KCNJ6: variants seen among roughly 807,000 people sequenced by gnomAD.
The protein encoded by KCNJ6 is potassium inwardly rectifying channel subfamily J member 6.
In KCNJ6, 9 loss-of-function variants were observed where a neutral mutation model predicts 34.2. The observed-to-expected ratio is 0.26, with a 90% CI of 0.16 to 0.46. The LOEUF (loss-of-function observed/expected upper bound fraction) is 0.46, where lower values mean the gene tolerates loss of function less well. KCNJ6 is among the 20% of genes least tolerant of loss of function. The pLI is 1.00. For synonymous variants in KCNJ6, 196 were observed against 207.1 expected, an observed-to-expected ratio of 0.95 and a Z score of 0.46; for missense variants, 236 against 531.3, an observed-to-expected ratio of 0.44 and a Z score of 5.46.
intron 3 of KCNJ6, among the ~76,000 whole-genome samples, chr21:37,693,442 G>C (rs1048461133): frequency 7.2e-5 from 11 of 152,180 alleles, no homozygotes; most frequent in African/African-American, 2.7e-4. Flanking sequence ...TCCTGGAGGA[G>C]AACCAGGAAA....
chr21:37,837,684 T>C (rs2055458570), intron 2 of KCNJ6, among the ~76,000 whole-genome samples: 1 of 151,468 alleles, frequency 6.6e-6, no homozygotes, highest in African/African-American at 2.4e-5. Flanking sequence ...ATTCATAGCA[T>C]TGTGTTTTGG....
chr21:37,893,481 C>T (rs1305385436), intron 1 of KCNJ6, among the ~76,000 whole-genome samples: 1 of 152,200 alleles, frequency 6.6e-6, no homozygotes, highest in Non-Finnish European at 1.5e-5. Context: ...GCTGGGATTA[C>T]AGGTGTGAGC....
In KCNJ6 at chr21:37,673,978, C is replaced by A. The variant is rs1490477803; in HGVS notation, c.946+40233G>T. On this transcript the variant is annotated intron_variant, in intron 3 of 3. Transcript: ENST00000609713. ...TTTGCTTCCATGCTGTGACTTTGAG[C>A]CCTGTGATTTCCCTTAGTGATGACA... Among the ~76,000 whole-genome samples, 5 of 152,176 alleles carry A rather than the reference C, an allele frequency of 3.3e-5. No homozygotes were observed. The South Asian group carries it at 1.0e-3, about 32-fold the overall frequency.
intron 2 of KCNJ6, among the ~76,000 whole-genome samples, chr21:37,761,430 G>T (rs1482783469): frequency 6.6e-6 from 1 of 150,530 alleles, no homozygotes; most frequent in Non-Finnish European, 1.5e-5. Flanking sequence ...TGTGTGTTGT[G>T]TTGTGTGTGT....
intron 3 of KCNJ6, among the ~76,000 whole-genome samples, chr21:37,712,605 CCCTCCTCCTCTCTCCCTCCTCT>C (rs1196973202): frequency 9.7e-6 from 1 of 103,292 alleles, no homozygotes; most frequent in Admixed American, 9.6e-5. Context: ...CTCCCTCCTC[CCCTCCTCCTCTCTCCCTCCTCT>C]TCCCTCCCTC....
chr21:37,803,455 A>G (rs1235044819), intron 2 of KCNJ6, among the ~76,000 whole-genome samples: 1 of 152,246 alleles, frequency 6.6e-6, no homozygotes, highest in Admixed American at 6.5e-5. Flanking sequence ...TTCATGGTAT[A>G]TAGTGAGTCG....
chr21:37,865,896 T>C (rs2055620160), intron 1 of KCNJ6, among the ~76,000 whole-genome samples: 1 of 152,216 alleles, frequency 6.6e-6, no homozygotes, highest in Admixed American at 6.5e-5. Flanking sequence ...AGAACACACA[T>C]TTATGTGCTC....
At chr21:37,869,764 C>T (rs992168800) in intron 1 of KCNJ6, among the ~76,000 whole-genome samples, 9 of 152,234 alleles carry the variant, frequency 5.9e-5, no homozygotes, top group Admixed American at 1.3e-4. Flanking sequence ...CCTATTTAGG[C>T]TCCTTTAAGA....
chr21:37,845,072 C>T (rs1265264640), intron 1 of KCNJ6, among the ~76,000 whole-genome samples: 1 of 152,148 alleles, frequency 6.6e-6, no homozygotes, highest in Admixed American at 6.5e-5. Context: ...TCTGCCCCGT[C>T]CCCCATCCCT....
At chr21:37,784,745 G>A (rs2055185250) in intron 2 of KCNJ6, among the ~76,000 whole-genome samples, 1 of 152,044 alleles carries the variant, frequency 6.6e-6, no homozygotes. Flanking sequence ...CTGGCTCCTG[G>A]GATGTGTGAA....
chr21:37,667,161 A>C, intron 3 of KCNJ6, among the ~76,000 whole-genome samples: 1 of 109,176 alleles, frequency 9.2e-6, no homozygotes, highest in African/African-American at 2.9e-5. Flanking sequence ...TACTAAAAAA[A>C]AAAAAAAAAA....
chr21:37,682,884 A>G (rs375257980), intron 3 of KCNJ6, among the ~76,000 whole-genome samples: 3 of 152,144 alleles, frequency 2.0e-5, no homozygotes, highest in African/African-American at 7.2e-5. Flanking sequence ...AAGTTCTGCA[A>G]ATCCAGTGGC....
intron 2 of KCNJ6, among the ~76,000 whole-genome samples, chr21:37,795,851 G>A (rs1405719373): frequency 3.9e-5 from 6 of 152,092 alleles, no homozygotes; most frequent in Non-Finnish European, 8.8e-5. Flanking sequence ...ATGTTTTTGA[G>A]GTGGTATTAT....
rs570969822 is a variant in KCNJ6 at position 37,820,565 on chromosome 21, T to G, written c.25+20093A>C. On this transcript the variant is annotated intron_variant, in intron 2 of 3. Transcript: ENST00000609713. Reference sequence around the variant, plus strand: ...GGGGATCCTAGGCTATCCTCACTTCTGACCTATGTTCTGATCAAACTTCCT... The same window carrying G: ...GGGGATCCTAGGCTATCCTCACTTCGGACCTATGTTCTGATCAAACTTCCT... Among the ~76,000 whole-genome samples the G allele has an allele frequency of 7.2e-5, 11 of 152,344 alleles. No homozygotes were observed. The South Asian group carries it at 2.1e-3, about 29-fold the overall frequency.
chr21:37,841,878 T>C (rs1041822550), intron 1 of KCNJ6, among the ~76,000 whole-genome samples: 5 of 152,218 alleles, frequency 3.3e-5, no homozygotes, highest in Non-Finnish European at 7.3e-5. Context: ...TTGGAACTTA[T>C]ATGGTTGTGC....
At chr21:37,832,803 A>G (rs2055432892) in intron 2 of KCNJ6, among the ~76,000 whole-genome samples, 1 of 152,004 alleles carries the variant, frequency 6.6e-6, no homozygotes, top group South Asian at 2.1e-4. Context: ...AGAGAGAACA[A>G]AGGTATTTCT....
Position 37,617,109 on chromosome 21 carries a change from T to C in KCNJ6, c.*8050A>G, listed in dbSNP as rs1329158476. 1 of 144,300 alleles carries C rather than the reference T, an allele frequency of 6.9e-6. No homozygotes were observed. Among genetic ancestry groups the C allele is most frequent in the Admixed American group, 7.2e-5 (1 of 13,888 alleles). The allele number at this position is 144,300 out of a possible 1,614,324, so 8.9% of individuals were successfully genotyped here. On this transcript the variant is annotated 3_prime_UTR_variant, in exon 4 of 4. Transcript: ENST00000609713. ...TTTCTTTCTTTCTTTTCTTTCTTTC[T>C]TTCCTTCTTCCTTCCTTCCTTCTTT...
chr21:37,802,518 G>A (rs2055274091), intron 2 of KCNJ6, among the ~76,000 whole-genome samples: 1 of 152,162 alleles, frequency 6.6e-6, no homozygotes, highest in African/African-American at 2.4e-5. Flanking sequence ...GATTGGAAGA[G>A]GCTATGCTGC....
chr21:37,870,851 G>T (rs1481477165), intron 1 of KCNJ6, among the ~76,000 whole-genome samples: 1 of 152,158 alleles, frequency 6.6e-6, no homozygotes, highest in Admixed American at 6.5e-5. Context: ...CACCCGGTGG[G>T]TTCTGCTTTT....
Sources: gnomAD v4.1 joint callset for allele counts (sites outside exome capture counted in the v4.1 genomes callset) on GRCh38, gnomAD v4.1.1 for gene constraint, MANE v1.5 for transcripts, NCBI Gene and HGNC (gene_info 2026-07-23, HGNC 2026-07-21) for gene names.